INPP5D: variants seen among roughly 807,000 people sequenced by gnomAD.
The protein encoded by INPP5D is inositol polyphosphate-5-phosphatase D, also known as phosphatidylinositol 3,4,5-trisphosphate 5-phosphatase 1.
In INPP5D, 33 loss-of-function variants were observed where a neutral mutation model predicts 122.9. The ratio of observed to expected loss-of-function variants is 0.27; its 90% CI spans 0.20 to 0.36. The LOEUF (loss-of-function observed/expected upper bound fraction) is 0.36. Among genes scored for constraint, INPP5D ranks in the 10% least tolerant of loss-of-function variants. The probability of loss-of-function intolerance (pLI) is 1.00; values close to 1 mark genes in which losing one functional copy is unlikely to be tolerated. For synonymous variants in INPP5D, 584 were observed against 576.2 expected, an observed-to-expected ratio of 1.01 and a Z score of -0.19; for missense variants, 1,053 against 1,412.7, an observed-to-expected ratio of 0.75 and a Z score of 4.08.
chr2:233,104,381 A>G (rs1692408122), intron 2 of INPP5D, among the ~76,000 whole-genome samples: 1 of 152,182 alleles, frequency 6.6e-6, no homozygotes, highest in African/African-American at 2.4e-5. Context: ...GTAAATGCAC[A>G]ATGCATTTCA....
Position 233,170,582 on chromosome 2 carries a change from G to T in INPP5D, c.1878G>T (p.Glu626Asp). Residue 626 changes from glutamate to aspartate, a missense_variant, in exon 16 of 27, where the codon GAG becomes GAT. Physicochemically the swap from Glu to Asp is conservative, Grantham distance 45. This residue lies in a region of INPP5D where 258 missense variants were observed against 439.1 expected (regional missense o/e 0.59). Transcript: ENST00000445964. This position sits in a 1 kb window ranked among gnomAD's most constrained non-coding sequence, Gnocchi z 4.5. ...ACCAGCTGCTCACAGAGAGGAGGGA[G>T]CAGAAGGTCTTCCTACACTTCGGTA... ...SHDQLLTERR[E>D]QKVFLHFEEE... 1.2e-6 allele frequency: 2 copies of T among 1,613,496 alleles called. No homozygotes were observed. The highest frequency in any genetic ancestry group is 1.3e-5 in the African/African-American group (1 of 74,994).
intron 1 of INPP5D, among the ~76,000 whole-genome samples, chr2:233,060,842 G>C (rs1279389375): frequency 6.6e-6 from 1 of 152,226 alleles, no homozygotes; most frequent in Non-Finnish European, 1.5e-5. Context: ...TTACACCCCA[G>C]CTTCCCATGA....
At chr2:233,086,599 A>G (rs1260084391) in intron 2 of INPP5D, among the ~76,000 whole-genome samples, 2 of 152,178 alleles carry the variant, frequency 1.3e-5, no homozygotes, top group Admixed American at 6.5e-5. Context: ...GGAAAGGAGA[A>G]GTGAACCTGG....
rs1214447825 is a variant in INPP5D, at chr2:233,105,143, G to A, written c.199-16964G>A. ...TTCCAGTGCCCAAGGGCAGTCGTCT[G>A]AGGCACCAGGCTTAGGTCTTTGGCA... On this transcript the variant is annotated intron_variant, in intron 2 of 26. Coordinates refer to ENST00000445964, the MANE Select transcript of INPP5D (RefSeq NM_001017915.3). This position sits in a 1 kb window ranked among gnomAD's most constrained non-coding sequence, Gnocchi z 4.0. Among the ~76,000 whole-genome samples the A allele has an allele frequency of 2.0e-5, 3 of 152,198 alleles. No individual in the cohort carries two copies. The highest frequency in any genetic ancestry group is 1.3e-4 in the Admixed American group (2 of 15,278).
rs1054722274 is a variant in INPP5D, at chr2:233,100,685, G to A, written c.198+21287G>A. 1.3e-5 allele frequency among the ~76,000 whole-genome samples: 2 copies of A among 152,160 alleles called. No homozygotes were observed. The highest frequency in any genetic ancestry group is 2.9e-5 in the Non-Finnish European group (2 of 68,030). ...CGTCACAGCCTGTTTTCTGCCTTGG[G>A]GTTTGGTCCCAGTTCCTCAGAGCAG... is the stretch of plus-strand genomic sequence containing the variant. On this transcript the variant is annotated intron_variant, in intron 2 of 26. Transcript: ENST00000445964. The surrounding 1 kb of genome is among the most constrained non-coding windows in gnomAD (Gnocchi z 5.3).
chr2:233,102,883 G>A (rs1208393280), intron 2 of INPP5D, among the ~76,000 whole-genome samples: 2 of 149,810 alleles, frequency 1.3e-5, no homozygotes, highest in South Asian at 2.1e-4. Context: ...AAACCACAGC[G>A]CCTTCTCACT....
intron 18 of INPP5D, among the ~76,000 whole-genome samples, chr2:233,179,203 C>A (rs879441303): frequency 2.6e-5 from 4 of 152,218 alleles, no homozygotes; most frequent in Non-Finnish European, 5.9e-5. Context: ...GCTCAAAGTG[C>A]CTGAGTCCTA....
chr2:233,067,289 G>C (rs1384503517), intron 1 of INPP5D, among the ~76,000 whole-genome samples: 3 of 152,178 alleles, frequency 2.0e-5, no homozygotes, highest in African/African-American at 7.2e-5. Context: ...TTTCATAACT[G>C]GAAACATACA....
intron 1 of INPP5D, 24 bp downstream of exon 1, chr2:233,060,636 C>T (rs200180899): frequency 4.3e-5 from 70 of 1,612,632 alleles, no homozygotes; most frequent in Middle Eastern, 1.6e-4. Flanking sequence ...GCTCCCTCCC[C>T]GGGCACAGAT....
intron 4 of INPP5D, among the ~76,000 whole-genome samples, chr2:233,126,490 T>C (rs1482427265): frequency 6.6e-6 from 1 of 152,254 alleles, no homozygotes; most frequent in Non-Finnish European, 1.5e-5. Flanking sequence ...CCATTGGTTC[T>C]TCCCTGGGCT....
rs530402616 is a variant in INPP5D at position 233,204,483 on chromosome 2, C to T, written c.3333C>T (p.Ser1111=). 3 of 1,585,620 alleles carry T rather than the reference C, an allele frequency of 1.9e-6. No homozygotes were observed. The South Asian group carries it at 3.4e-5, about 18-fold the overall frequency. The change falls in exon 26 of 27, where the codon AGC becomes AGT. Residue 1111 remains serine, a synonymous_variant. Coordinates refer to ENST00000445964, the MANE Select transcript of INPP5D (RefSeq NM_001017915.3). ...AAGGGAAGCCCAAGACCCCGGTCAGCTCCCAGGCCCCGGTGCCGGCCAAGA... is the reference window on the plus strand; with the variant it reads ...AAGGGAAGCCCAAGACCCCGGTCAGTTCCCAGGCCCCGGTGCCGGCCAAGA... ...KSQGKPKTPV[S]SQAPVPAKRP... is the part of the protein sequence containing the mutation.
intron 3 of INPP5D, among the ~76,000 whole-genome samples, chr2:233,124,680 C>T (rs985693951): frequency 3.9e-5 from 6 of 152,244 alleles, no homozygotes; most frequent in African/African-American, 1.4e-4. Context: ...CCACACTAAA[C>T]ACCCTCACTC....
intron 2 of INPP5D, among the ~76,000 whole-genome samples, chr2:233,094,984 T>C (rs1368215913): frequency 2.0e-5 from 3 of 152,204 alleles, no homozygotes; most frequent in Non-Finnish European, 2.9e-5. Context: ...TGCAGCATTA[T>C]TTCAAATAGG....
intron 2 of INPP5D, among the ~76,000 whole-genome samples, chr2:233,120,882 G>C (rs1285857957): frequency 6.6e-6 from 1 of 152,080 alleles, no homozygotes; most frequent in Admixed American, 6.6e-5. Flanking sequence ...CATTTACTGA[G>C]TTTTGACAAA....
Position 233,149,100 on chromosome 2 carries a change from C to CTT in INPP5D, c.1030+1526_1030+1527dup, listed in dbSNP as rs556971192. 2.2e-3 allele frequency among the ~76,000 whole-genome samples: 234 copies of CTT among 105,988 alleles called. 4 individuals are homozygous for CTT. Among genetic ancestry groups the CTT allele is most frequent in the East Asian group, 3.4e-3 (11 of 3,208 alleles). 69.5% of individuals were successfully genotyped at this position (105,988 alleles called of 152,430 possible). A position where few individuals can be genotyped will look rare whatever the true frequency, so the allele number is the denominator to read the frequency against. Reference sequence around the variant, plus strand: ...TGGCTTCTTCAGGCATGATCAGCACCTTTTTTTTTTTTTTTTTTTTTGAGA... The same window carrying CTT: ...TGGCTTCTTCAGGCATGATCAGCACCTTTTTTTTTTTTTTTTTTTTTTTGAGA... On this transcript the variant is annotated intron_variant, in intron 9 of 26. Coordinates refer to ENST00000445964, the MANE Select transcript of INPP5D (RefSeq NM_001017915.3).
chr2:233,134,303 C>T, intron 5 of INPP5D: 1 of 269,638 alleles, frequency 3.7e-6, no homozygotes, highest in Non-Finnish European at 7.4e-6. Flanking sequence ...ATGGGGGATG[C>T]ATATGGGGAA....
rs1045499214 is a variant in INPP5D, at chr2:233,078,486, C to T, written c.135-849C>T. Among the ~76,000 whole-genome samples, 5 of 152,144 alleles carry T rather than the reference C, an allele frequency of 3.3e-5. No homozygotes were observed. Among genetic ancestry groups the T allele is most frequent in the African/African-American group, 1.2e-4 (5 of 41,420 alleles). ...AACCCCTGGGAGATAATCCACGGGG[C>T]ATAGTGTCCAAGAGGATGAAGCCAT... On this transcript the variant is annotated intron_variant, in intron 1 of 26. Coordinates refer to ENST00000445964, the MANE Select transcript of INPP5D (RefSeq NM_001017915.3). This position sits in a 1 kb window ranked among gnomAD's most constrained non-coding sequence, Gnocchi z 4.6.
In INPP5D at chr2:233,186,684, C is replaced by CTTTTTTTTTTTTTTTT. The variant is rs144243823; in HGVS notation, c.2358+800_2358+815dup. Reference sequence around the variant, plus strand: ...CTTGTTTTTTTTTCTTTTTCTCTTTCTTTTTTTTTTTTTTTTTTTTTTTTT... The same window carrying CTTTTTTTTTTTTTTTT: ...CTTGTTTTTTTTTCTTTTTCTCTTTCTTTTTTTTTTTTTTTTTTTTTTTTTTTTTTTTTTTTTTTTT... On this transcript the variant is annotated intron_variant, in intron 21 of 26. Coordinates refer to ENST00000445964, the MANE Select transcript of INPP5D (RefSeq NM_001017915.3). Among the ~76,000 whole-genome samples the CTTTTTTTTTTTTTTTT allele has an allele frequency of 1.3e-4, 6 of 44,536 alleles. 1 individual carries two copies. The highest frequency in any genetic ancestry group is 1.7e-4 in the Non-Finnish European group (4 of 23,228). The allele number at this position is 44,536 out of a possible 152,430, so 29.2% of individuals were successfully genotyped here. A position where few individuals can be genotyped will look rare whatever the true frequency, so the allele number is the denominator to read the frequency against.
At chr2:233,114,128 T>A (rs1027987807) in intron 2 of INPP5D, among the ~76,000 whole-genome samples, 1 of 152,172 alleles carries the variant, frequency 6.6e-6, no homozygotes, top group Non-Finnish European at 1.5e-5. Context: ...CAGGATGGTC[T>A]CGATCTCCTG....
Sources: gnomAD v4.1 joint callset for allele counts (sites outside exome capture counted in the v4.1 genomes callset) on GRCh38, gnomAD v4.1.1 for gene constraint, gnomAD v4.1.1 regional missense constraint, Gnocchi (gnomAD v3.1) non-coding constraint, MANE v1.5 for transcripts, NCBI Gene and HGNC (gene_info 2026-07-23, HGNC 2026-07-21) for gene names.